Variants in ZMAT3 observed in about 807,000 individuals in gnomAD.
ZMAT3 encodes zinc finger matrin-type protein 3.
Under a neutral mutation model 32.3 loss-of-function variants are expected in ZMAT3, and 17 were observed. The ratio of observed to expected loss-of-function variants is 0.53; its 90% CI spans 0.36 to 0.79. The LOEUF (loss-of-function observed/expected upper bound fraction) is 0.79. Ranked by LOEUF, ZMAT3 falls within the 30% of genes least tolerant of loss-of-function variation. The pLI is 0.00. For synonymous variants in ZMAT3, 120 were observed against 133.1 expected (o/e 0.90, Z 0.68); for missense variants, 329 against 359.7 (o/e 0.91, Z 0.69).
chr3:179,043,398 C>A (rs1429134057), intron 2 of ZMAT3, among the ~76,000 whole-genome samples: 3 of 150,586 alleles, frequency 2.0e-5, no homozygotes, highest in African/African-American at 7.3e-5. Context: ...TGGAAAAGAA[C>A]AGGCCTCAGA....
At position 179,025,170 on chromosome 3, in the gene ZMAT3, A is replaced by C; in HGVS notation, c.717T>G (p.Cys239Trp). 6.2e-7 allele frequency: 1 copy of C among 1,614,230 alleles called. No homozygotes were observed. The highest frequency in any genetic ancestry group is 8.5e-7 in the Non-Finnish European group (1 of 1,180,046). The change falls in exon 6 of 6, where the codon TGT becomes TGG. Residue 239 changes from cysteine (C) to tryptophan (W), a missense_variant. Coordinates refer to ENST00000311417, the MANE Select transcript of ZMAT3 (RefSeq NM_022470.4). The part of the protein sequence containing the change: ...RQRIPRDLAM[C>W]VTPSGQFYCS... The stretch of plus-strand genomic sequence containing the variant: ...AGTAAAACTGGCCACTTGGAGTAAC[A>C]CACATGGCCAGATCACGTGGAATTC...
chr3:179,040,029 GA>G (rs944729725), intron 2 of ZMAT3, among the ~76,000 whole-genome samples: 5 of 151,976 alleles, frequency 3.3e-5, no homozygotes, highest in African/African-American at 4.8e-5. Flanking sequence ...GACATGGTTA[GA>G]AAAAAAGAGT....
At position 179,039,358 on chromosome 3, in the gene ZMAT3, C is replaced by A. The variant is rs189942260; in HGVS notation, c.271-8359G>T. ...TGGGTGCCCCTCTGGGATGCAGATT[C>A]CGGAGGAAGGATCAGGCAGCAATAT... On this transcript the variant is annotated intron_variant, in intron 2 of 5. Transcript: ENST00000311417. Among the ~76,000 whole-genome samples, 237 of 152,298 alleles carry A rather than the reference C, an allele frequency of 1.6e-3. 1 individual carries two copies. Among genetic ancestry groups the A allele is most frequent in the Middle Eastern group, 0.01 (3 of 294 alleles).
In ZMAT3 at chr3:179,031,034, C is replaced by T. The variant is rs752793139; in HGVS notation, c.271-35G>A. On this transcript the variant is annotated intron_variant, in intron 2 of 5. Coordinates refer to ENST00000311417, the MANE Select transcript of ZMAT3 (RefSeq NM_022470.4). ...AAAATAAAATGAGTACAGCAGTCCA[C>T]CCTTATCTGCAGTTTCAGCAATTTC... is the stretch of plus-strand genomic sequence containing the variant. The T allele has an allele frequency of 1.3e-5, 20 of 1,570,884 alleles. 1 individual carries two copies. The East Asian group carries it at 2.3e-4, about 18-fold the overall frequency.
intron 2 of ZMAT3, among the ~76,000 whole-genome samples, chr3:179,036,260 T>C (rs1719582452): frequency 6.6e-6 from 1 of 151,922 alleles, no homozygotes; most frequent in Non-Finnish European, 1.5e-5. Context: ...AGAATGAAGA[T>C]CCAGAAAATG....
At chr3:179,045,022 A>C (rs1333526186) in intron 2 of ZMAT3, among the ~76,000 whole-genome samples, 1 of 152,002 alleles carries the variant, frequency 6.6e-6, no homozygotes, top group African/African-American at 2.4e-5. Context: ...CAGAACTTAA[A>C]GTATAATAAA....
chr3:179,024,927 T>C lies in ZMAT3; in HGVS notation c.*90A>G. The C allele has an allele frequency of 8.1e-7, 1 of 1,230,086 alleles. No homozygotes were observed. Among genetic ancestry groups the C allele is most frequent in the South Asian group, 1.2e-5 (1 of 81,820 alleles). 76.2% of individuals were successfully genotyped at this position (1,230,086 alleles called of 1,614,324 possible). On this transcript the variant is annotated 3_prime_UTR_variant, in exon 6 of 6. Coordinates refer to ENST00000311417, the MANE Select transcript of ZMAT3 (RefSeq NM_022470.4). The stretch of plus-strand genomic sequence containing the variant: ...TGTATTAACATTAAGCAGAGGAATG[T>C]ACTCATATCAAAAAGACCACAAAGC...
At chr3:179,037,648 A>G (rs558969486) in intron 2 of ZMAT3, among the ~76,000 whole-genome samples, 7 of 152,272 alleles carry the variant, frequency 4.6e-5, no homozygotes, top group African/African-American at 1.7e-4. Flanking sequence ...CCTCCTGCTC[A>G]CTGAGCAACG....
chr3:179,039,831 A>T (rs1411859919), intron 2 of ZMAT3, among the ~76,000 whole-genome samples: 2 of 152,172 alleles, frequency 1.3e-5, no homozygotes, highest in Non-Finnish European at 2.9e-5. Flanking sequence ...AAAAACCTTG[A>T]AAAAAGGTTA....
intron 2 of ZMAT3, among the ~76,000 whole-genome samples, chr3:179,049,566 T>C (rs1720429117): frequency 6.6e-6 from 1 of 152,208 alleles, no homozygotes; most frequent in African/African-American, 2.4e-5. Context: ...TCCTGAATGA[T>C]TGTTGGGTCA....
At chr3:179,045,940 G>A (rs1463135204) in intron 2 of ZMAT3, among the ~76,000 whole-genome samples, 1 of 152,204 alleles carries the variant, frequency 6.6e-6, no homozygotes, top group African/African-American at 2.4e-5. Flanking sequence ...AACTGGCCTA[G>A]GTAAGAATCA....
At chr3:179,044,993 G>A (rs141772323) in intron 2 of ZMAT3, among the ~76,000 whole-genome samples, 28 of 151,508 alleles carry the variant, frequency 1.8e-4, no homozygotes, top group African/African-American at 6.5e-4. Flanking sequence ...TCAAACCTGC[G>A]CATTGTGCAC....
intron 2 of ZMAT3, among the ~76,000 whole-genome samples, chr3:179,062,957 T>C (rs1313064482): frequency 6.6e-6 from 1 of 152,216 alleles, no homozygotes; most frequent in Non-Finnish European, 1.5e-5. Flanking sequence ...TAGCAACCTA[T>C]TTCAATCAAC....
rs1719154257 is a variant in ZMAT3, at chr3:179,030,997, A to C, written c.273T>G (p.Gly91=). ...SAQQAQAHYQ[G]KNHGKKLRNY... ...TTCGGAGTTTCTTACCATGATTTTT[A>C]CCCTAGAAATAAAAATAAAATGAGT... Residue 91 remains glycine (G), a splice_region_variant and synonymous_variant, in exon 3 of 6, where the codon GGT becomes GGG. Transcript: ENST00000311417. The C allele has an allele frequency of 1.9e-6, 3 of 1,612,854 alleles. No homozygotes were observed. Among genetic ancestry groups the C allele is most frequent in the Non-Finnish European group, 2.5e-6 (3 of 1,179,452 alleles).
intron 2 of ZMAT3, among the ~76,000 whole-genome samples, chr3:179,051,152 G>A (rs1452071789): frequency 6.6e-6 from 1 of 152,094 alleles, no homozygotes; most frequent in Non-Finnish European, 1.5e-5. Context: ...TCAGACAAGA[G>A]AAAGAAATAA....
In ZMAT3 at chr3:179,064,818, A is replaced by G. The variant is rs138376597; in HGVS notation, c.270+2665T>C. 8.0e-4 allele frequency among the ~76,000 whole-genome samples: 122 copies of G among 151,962 alleles called. 1 individual carries two copies. Among genetic ancestry groups the G allele is most frequent in the Middle Eastern group, 3.4e-3 (1 of 294 alleles). ...ATGCATCTTTTTGGCTAACATTTCT[A>G]CGCTTTCCTTCTTTGGTAGCTCACC... On this transcript the variant is annotated intron_variant, in intron 2 of 5. Transcript: ENST00000311417.
At chr3:179,054,313 T>C (rs1188031851) in intron 2 of ZMAT3, among the ~76,000 whole-genome samples, 2 of 152,160 alleles carry the variant, frequency 1.3e-5, no homozygotes, top group Non-Finnish European at 2.9e-5. Flanking sequence ...ATCTCCTTCT[T>C]CATGAGGCAG....
intron 2 of ZMAT3, among the ~76,000 whole-genome samples, chr3:179,066,977 C>A (rs558051244): frequency 1.3e-5 from 2 of 152,266 alleles, no homozygotes; most frequent in South Asian, 4.1e-4. Context: ...GTTTTCCTTA[C>A]CAGTGATAGG....
intron 2 of ZMAT3, among the ~76,000 whole-genome samples, chr3:179,031,948 C>T (rs1222804684): frequency 0.017 from 57 of 3,380 alleles, 7 homozygotes; most frequent in Non-Finnish European, 0.023. Flanking sequence ...TCCCCCTCCC[C>T]CTCCCCCTCC....
Sources: allele counts gnomAD v4.1 joint callset (sites outside exome capture counted in the v4.1 genomes callset), GRCh38; gene constraint gnomAD v4.1.1; transcripts MANE v1.5; gene names NCBI Gene and HGNC (gene_info 2026-07-23, HGNC 2026-07-21).